Variants in PAM observed in about 807,000 individuals in gnomAD.
PAM encodes the protein peptidyl-glycine alpha-amidating monooxygenase.
In PAM, 72 loss-of-function variants were observed where a neutral mutation model predicts 122.1. The ratio of observed to expected loss-of-function variants is 0.59; its 90% CI spans 0.49 to 0.72. The LOEUF (loss-of-function observed/expected upper bound fraction) is 0.72. Among genes scored for constraint, PAM ranks in the 30% least tolerant of loss-of-function variants. The pLI is 0.00. For synonymous variants in PAM, 389 were observed against 404.4 expected (o/e 0.96, Z 0.46); for missense variants, 1,106 against 1,183.7 (o/e 0.93, Z 0.96).
In PAM at chr5:102,913,812, C is replaced by A. The variant is rs775814780; in HGVS notation, c.269-122C>A. On this transcript the variant is annotated intron_variant, in intron 4 of 25. Coordinates refer to ENST00000438793, the MANE Select transcript of PAM (RefSeq NM_001177306.2). ...AATTTATACAGACAGGGCATTTGAT[C>A]ACAAGAACATCAAAACATCTTTGTT... The A allele has an allele frequency of 1.5e-5, 9 of 618,666 alleles. No homozygotes were observed. In the Admixed American group the frequency reaches 1.9e-4, roughly 13 times the overall value. 38.3% of individuals were successfully genotyped at this position (618,666 alleles called of 1,614,324 possible). A position where few individuals can be genotyped will look rare whatever the true frequency, so the allele number is the denominator to read the frequency against.
chr5:102,867,273 G>T lies in PAM; in HGVS notation c.90G>T (p.Arg30Ser). Residue 30 changes from arginine to serine, a missense_variant and splice_region_variant, in exon 3 of 26, where the codon AGG becomes AGT. Physicochemically the swap from Arg to Ser is moderately radical, Grantham distance 110 (BLOSUM62 -1). Transcript: ENST00000438793. ...AFRSPLSVFK[R>S]FKETTRPFSN... ...TATTGAAATTGCCCTCTTTTTTAAG[G>T]TTTAAAGAAACTACCAGACCATTTT... The T allele has an allele frequency of 1.9e-6, 3 of 1,596,038 alleles. No individual in the cohort carries two copies. Among genetic ancestry groups the T allele is most frequent in the Non-Finnish European group, 2.6e-6 (3 of 1,164,860 alleles).
At chr5:102,813,920 C>G (rs1768761118) in intron 1 of PAM, among the ~76,000 whole-genome samples, 1 of 152,142 alleles carries the variant, frequency 6.6e-6, no homozygotes, top group Admixed American at 6.5e-5. Context: ...TTTGCTATGA[C>G]CAGTGCACTG....
At chr5:102,878,581 G>C (rs922882948) in intron 3 of PAM, among the ~76,000 whole-genome samples, 2 of 152,144 alleles carry the variant, frequency 1.3e-5, no homozygotes, top group Admixed American at 1.3e-4. Flanking sequence ...TGTTGTAGGA[G>C]GTGACAGCTC....
At chr5:102,766,421 T>G (rs901465013) in intron 1 of PAM, among the ~76,000 whole-genome samples, 1 of 152,142 alleles carries the variant, frequency 6.6e-6, no homozygotes, top group Non-Finnish European at 1.5e-5. Context: ...CATGTGCAGT[T>G]GACGTTAGGA....
chr5:102,844,799 A>C (rs1424877551), intron 1 of PAM, among the ~76,000 whole-genome samples: 2 of 152,248 alleles, frequency 1.3e-5, no homozygotes, highest in Non-Finnish European at 2.9e-5. Context: ...TGAGTAGCAG[A>C]GCTTAGATAT....
At chr5:102,810,691 G>C (rs953087414) in intron 1 of PAM, among the ~76,000 whole-genome samples, 2 of 152,108 alleles carry the variant, frequency 1.3e-5, no homozygotes, top group African/African-American at 4.8e-5. Context: ...AGTCAGGCGT[G>C]GTGGCGCATG....
chr5:102,895,994 T>TGG (rs1448026716), intron 3 of PAM: 4 of 151,682 alleles, frequency 2.6e-5, no homozygotes, highest in African/African-American at 9.7e-5. Flanking sequence ...CACTCCCTGT[T>TGG]CAGAATAGCA....
intron 16 of PAM, among the ~76,000 whole-genome samples, chr5:102,998,552 G>T (rs140595324): frequency 8.0e-4 from 122 of 152,188 alleles, no homozygotes; most frequent in African/African-American, 2.6e-3. Flanking sequence ...TCGGGATGGG[G>T]TAGAAAAGTA....
At chr5:102,949,762 T>A (rs564991060) in intron 10 of PAM, 140 bp from the exon 11 acceptor site, 2 of 685,152 alleles carry the variant, frequency 2.9e-6, no homozygotes, top group African/African-American at 3.6e-5. Flanking sequence ...TGCTGTTTTA[T>A]CATATTGTTT....
intron 7 of PAM, among the ~76,000 whole-genome samples, chr5:102,942,356 A>C (rs1755541737): frequency 6.6e-6 from 1 of 152,120 alleles, no homozygotes; most frequent in Non-Finnish European, 1.5e-5. Context: ...CATAAGGTAA[A>C]GATCAAAACA....
chr5:102,981,152 A>T (rs1582500359), intron 15 of PAM, among the ~76,000 whole-genome samples: 1 of 152,198 alleles, frequency 6.6e-6, no homozygotes, highest in Non-Finnish European at 1.5e-5. Flanking sequence ...AGCACTTACC[A>T]GTTTAAGGGC....
intron 15 of PAM, among the ~76,000 whole-genome samples, chr5:102,979,576 T>G (rs1769026587): frequency 6.6e-6 from 1 of 152,136 alleles, no homozygotes; most frequent in African/African-American, 2.4e-5. Context: ...TGAAGAGCCT[T>G]GTTACACTGA....
At chr5:102,809,876 T>C (rs1221483597) in intron 1 of PAM, among the ~76,000 whole-genome samples, 2 of 152,224 alleles carry the variant, frequency 1.3e-5, no homozygotes, top group African/African-American at 4.8e-5. Flanking sequence ...TTCTTCACTA[T>C]TTTGAATACT....
intron 1 of PAM, among the ~76,000 whole-genome samples, chr5:102,829,368 T>G (rs547151760): frequency 1.3e-4 from 20 of 148,184 alleles, no homozygotes; most frequent in African/African-American, 4.7e-4. Flanking sequence ...GGGAGGTTTT[T>G]TTTTTTTTTT....
chr5:102,987,323 G>A (rs1772204607), intron 15 of PAM, among the ~76,000 whole-genome samples: 2 of 152,162 alleles, frequency 1.3e-5, no homozygotes, highest in Admixed American at 6.5e-5. Flanking sequence ...ATACTCATAT[G>A]TGGAAGCTTA....
At chr5:102,792,061 GTGTT>G (rs1180522424) in intron 1 of PAM, among the ~76,000 whole-genome samples, 3 of 152,122 alleles carry the variant, frequency 2.0e-5, no homozygotes, top group Non-Finnish European at 4.4e-5. Flanking sequence ...TTACAGCAGA[GTGTT>G]TGACAAACTC....
chr5:102,932,057 A>G (rs533136710), intron 7 of PAM, among the ~76,000 whole-genome samples: 1 of 152,328 alleles, frequency 6.6e-6, no homozygotes, highest in African/African-American at 2.4e-5. Context: ...TGGGGATTAT[A>G]TTAGTAAAAT....
At chr5:103,028,809 T>G (rs1236786632) in intron 25 of PAM, 78 bp from the exon 26 acceptor site, 3 of 954,828 alleles carry the variant, frequency 3.1e-6, no homozygotes, top group Non-Finnish European at 4.7e-6. Context: ...CCTTCTGACT[T>G]TATCATTTAA....
chr5:102,901,355 G>C lies in PAM; in HGVS notation c.211-1G>C. ...GGATTTTTTAATCTTTTTTTTAATA[G>C]TCCGATACATACTTCTGCATGTCTA... On this transcript the variant is annotated splice_acceptor_variant, in intron 3 of 25. Transcript: ENST00000438793. LOFTEE classifies it high-confidence loss of function. 1 of 1,549,986 alleles carries C rather than the reference G, an allele frequency of 6.5e-7. No individual in the cohort carries two copies. The highest frequency in any genetic ancestry group is 8.9e-7 in the Non-Finnish European group (1 of 1,124,004).
Sources: gnomAD v4.1 joint callset for allele counts (sites outside exome capture counted in the v4.1 genomes callset) on GRCh38, gnomAD v4.1.1 for gene constraint, MANE v1.5 for transcripts, NCBI Gene and HGNC (gene_info 2026-07-23, HGNC 2026-07-21) for gene names.